RIF1: variants seen among roughly 807,000 people sequenced by gnomAD.
The protein encoded by RIF1 is replication timing regulatory factor 1.
In RIF1, 45 loss-of-function variants were observed where a neutral mutation model predicts 247.1. The observed-to-expected ratio is 0.18, with a 90% CI of 0.14 to 0.23. The LOEUF is 0.23. Among genes scored for constraint, RIF1 ranks in the 10% least tolerant of loss-of-function variants. The probability of loss-of-function intolerance (pLI) is 1.00; values close to 1 mark genes in which losing one functional copy is unlikely to be tolerated. For missense variants in RIF1, 2,967 were observed against 2,862.5 expected, an observed-to-expected ratio of 1.04 and a Z score of -0.83; for synonymous variants, 1,087 against 978.8, an observed-to-expected ratio of 1.11 and a Z score of -2.06.
At chr2:151,442,970 G>T (rs1692623989) in intron 16 of RIF1, among the ~76,000 whole-genome samples, 1 of 151,550 alleles carries the variant, frequency 6.6e-6, no homozygotes, top group African/African-American at 2.4e-5. Context: ...TAGAGATGGG[G>T]TTTCACTGTG....
At chr2:151,444,378 T>C (rs1692877484) in intron 18 of RIF1, among the ~76,000 whole-genome samples, 1 of 152,184 alleles carries the variant, frequency 6.6e-6, no homozygotes, top group Non-Finnish European at 1.5e-5. Flanking sequence ...GGCACGATCT[T>C]GGCTCACTGC....
At chr2:151,423,955 C>T (rs1339714063) in intron 8 of RIF1, among the ~76,000 whole-genome samples, 1 of 152,134 alleles carries the variant, frequency 6.6e-6, no homozygotes, top group Non-Finnish European at 1.5e-5. Flanking sequence ...AGTAAACTTC[C>T]TCTGCCCTCC....
In RIF1 at chr2:151,481,629, G is replaced by T. The variant is rs757335715; in HGVS notation, c.*6558G>T. The T allele has an allele frequency of 7.2e-5, 11 of 152,198 alleles. No homozygotes were observed. Among genetic ancestry groups the T allele is most frequent in the Non-Finnish European group, 1.5e-4 (10 of 68,034 alleles). 9.4% of individuals were successfully genotyped at this position (152,198 alleles called of 1,614,324 possible). ...TTTGTATTTGATAAGTCTTAAAAAT[G>T]ATTTAAGTTGAAGCCTAACAGAAGT... On this transcript the variant is annotated 3_prime_UTR_variant, in exon 36 of 36. Coordinates refer to ENST00000444746, the MANE Select transcript of RIF1 (RefSeq NM_018151.5).
chr2:151,531,973 C>T, the RIF1 span: 1 of 822,480 alleles, frequency 1.2e-6, no homozygotes, highest in Non-Finnish European at 2.0e-6. Flanking sequence ...CCTCTTGAAA[C>T]ACCAGAGTGG....
rs768358849 is a variant in RIF1 at position 151,467,987 on chromosome 2, C to T, written c.6601-13C>T. The stretch of plus-strand genomic sequence containing the variant: ...TTAATTTTGTTAAGTAAAATCCTGA[C>T]CTGTGTTTTCAGGTTCGCCGTGTCT... On this transcript the variant is annotated splice_polypyrimidine_tract_variant and intron_variant, in intron 30 of 35. Coordinates refer to ENST00000444746, the MANE Select transcript of RIF1 (RefSeq NM_018151.5). 6.3e-7 allele frequency: 1 copy of T among 1,589,410 alleles called. No homozygotes were observed. The highest frequency in any genetic ancestry group is 1.2e-5 in the South Asian group (1 of 85,276).
intron 8 of RIF1, among the ~76,000 whole-genome samples, chr2:151,426,899 G>T (rs529984302): frequency 6.6e-6 from 1 of 151,906 alleles, no homozygotes; most frequent in Non-Finnish European, 1.5e-5. Flanking sequence ...CATCTGCCTC[G>T]GCCTCCCAAA....
At position 151,432,599 on chromosome 2, in the gene RIF1, A is replaced by G. The variant is rs371634129; in HGVS notation, c.926-478A>G. ...GCCTTTTTTGACATAATGTAAACATATGCTTCCGTTTCTTTGTCAAATGGG... is the reference window on the plus strand; with the variant it reads ...GCCTTTTTTGACATAATGTAAACATGTGCTTCCGTTTCTTTGTCAAATGGG... On this transcript the variant is annotated intron_variant, in intron 9 of 35. Transcript: ENST00000444746. 3.9e-5 allele frequency among the ~76,000 whole-genome samples: 6 copies of G among 152,332 alleles called. No homozygotes were observed. In the East Asian group the frequency reaches 7.7e-4, roughly 20 times the overall value.
At chr2:151,460,946 T>G (rs1173982553) in intron 26 of RIF1, among the ~76,000 whole-genome samples, 192 bp from the exon 27 acceptor site, 1 of 152,256 alleles carries the variant, frequency 6.6e-6, no homozygotes, top group Non-Finnish European at 1.5e-5. Context: ...TAATACTGTC[T>G]ACTTTCTTAG....
the RIF1 span, chr2:151,514,821 G>A: frequency 4.6e-4 from 721 of 1,563,474 alleles, 1 homozygote; most frequent in Non-Finnish European, 6.0e-4. Flanking sequence ...GCACTACCTC[G>A]CTTGCTATTT....
At chr2:151,440,259 T>G (rs888836497) in intron 15 of RIF1, 132 bp downstream of exon 15, 25 of 627,272 alleles carry the variant, frequency 4.0e-5, no homozygotes, top group Non-Finnish European at 6.4e-5. Flanking sequence ...TTTAGTCCTA[T>G]TGCAATAAGT....
chr2:151,460,164 T>C, intron 26 of RIF1, 45 bp downstream of exon 26: 1 of 1,382,148 alleles, frequency 7.2e-7, no homozygotes, highest in Non-Finnish European at 9.9e-7. Context: ...ATAAAGTATA[T>C]TGTAACTTAC....
At chr2:151,497,617 C>G in intron 10 of RIF1, 1 of 1,561,778 alleles carries the variant, frequency 6.4e-7, no homozygotes, top group Non-Finnish European at 8.7e-7. Flanking sequence ...TCTTTTCTTG[C>G]CAAAGTACCG....
the RIF1 span, chr2:151,527,412 AAAT>A: frequency 8.7e-7 from 1 of 1,145,348 alleles, no homozygotes; most frequent in Non-Finnish European, 1.3e-6. Flanking sequence ...TGGTTATTAT[AAAT>A]AATTATTCAT....
At chr2:151,510,160 G>A (rs769130241), downstream of RIF1, among the ~76,000 whole-genome samples, 12 of 152,124 alleles carry the variant, frequency 7.9e-5, no homozygotes, top group South Asian at 6.2e-4. Flanking sequence ...GTGATTACTC[G>A]TATGTTGTCT....
chr2:151,514,457 T>G, the RIF1 span: 1 of 1,503,098 alleles, frequency 6.7e-7, no homozygotes, highest in Non-Finnish European at 9.3e-7. Flanking sequence ...GCAACAACAT[T>G]GACAAGAAAG....
intron 34 of RIF1, among the ~76,000 whole-genome samples, chr2:151,471,795 A>G (rs1388991454): frequency 1.3e-5 from 2 of 152,170 alleles, no homozygotes; most frequent in Admixed American, 1.3e-4. Flanking sequence ...GTTTGAAGTC[A>G]GGTAGCATGA....
At chr2:151,466,734 G>T (rs936590835) in intron 30 of RIF1, among the ~76,000 whole-genome samples, 1 of 152,152 alleles carries the variant, frequency 6.6e-6, no homozygotes, top group Non-Finnish European at 1.5e-5. Context: ...TAAAAAAATA[G>T]GAAAAGTTAA....
In RIF1 at chr2:151,437,253, A is replaced by G. The variant is rs987850386; in HGVS notation, c.1385A>G (p.His462Arg). Residue 462 changes from histidine (H) to arginine (R), a missense_variant, in exon 13 of 36, where the codon CAT becomes CGT. Coordinates refer to ENST00000444746, the MANE Select transcript of RIF1 (RefSeq NM_018151.5). The part of the protein sequence containing the change: ...KLVLSLEPLE[H>R]PLISSPSFFS... ...TCTTCCCTTTCAGAGCCATTGGAAC[A>G]TCCGTTAATCAGCAGCCCTTCCTTT... The G allele has an allele frequency of 1.2e-6, 2 of 1,611,082 alleles. No homozygotes were observed. The highest frequency in any genetic ancestry group is 1.7e-6 in the Non-Finnish European group (2 of 1,177,244).
chr2:151,449,427 T>C (rs1419098262), intron 20 of RIF1, among the ~76,000 whole-genome samples: 1 of 152,148 alleles, frequency 6.6e-6, no homozygotes, highest in Non-Finnish European at 1.5e-5. Flanking sequence ...TGTATTCTTT[T>C]TTTCTTTCTC....
Sources: gnomAD v4.1 joint callset for allele counts (sites outside exome capture counted in the v4.1 genomes callset) on GRCh38, gnomAD v4.1.1 for gene constraint, MANE v1.5 for transcripts, NCBI Gene and HGNC (gene_info 2026-07-23, HGNC 2026-07-21) for gene names.